Variants in GCNT1 observed in about 807,000 individuals in gnomAD.
GCNT1 encodes the protein glucosaminyl (N-acetyl) transferase 1.
Under a neutral mutation model 26.2 loss-of-function variants are expected in GCNT1, and 16 were observed. The observed-to-expected ratio is 0.61, with a 90% CI of 0.41 to 0.93. The LOEUF (loss-of-function observed/expected upper bound fraction) is 0.93. Among genes scored for constraint, GCNT1 ranks in the 40% least tolerant of loss-of-function variants. The probability of loss-of-function intolerance (pLI) is 0.00; values close to 1 mark genes in which losing one functional copy is unlikely to be tolerated. For synonymous variants in GCNT1, 183 were observed against 190.8 expected, an observed-to-expected ratio of 0.96 and a Z score of 0.34; for missense variants, 477 against 526.7, an observed-to-expected ratio of 0.91 and a Z score of 0.92.
At chr9:76,410,426 C>G in the GCNT1 span, among the ~76,000 whole-genome samples, 1 of 151,930 alleles carries the variant, frequency 6.6e-6, no homozygotes, top group African/African-American at 2.4e-5. Context: ...GAACAAAACT[C>G]TCTTCAAAAA....
intron 2 of GCNT1, among the ~76,000 whole-genome samples, chr9:76,495,103 C>T (rs1244445675): frequency 6.6e-6 from 1 of 152,138 alleles, no homozygotes; most frequent in Non-Finnish European, 1.5e-5. Context: ...AAAAATAGGA[C>T]AGAATAGCAA....
intron 2 of GCNT1, among the ~76,000 whole-genome samples, chr9:76,479,927 C>T (rs919832978): frequency 2.0e-5 from 3 of 152,094 alleles, no homozygotes; most frequent in African/African-American, 7.2e-5. Context: ...GAAGTCCTTG[C>T]CCATGCCTGT....
upstream of GCNT1, among the ~76,000 whole-genome samples, chr9:76,419,180 C>A (rs1003215940): frequency 6.6e-6 from 1 of 152,082 alleles, no homozygotes; most frequent in African/African-American, 2.4e-5. Flanking sequence ...AGTGCTTAAT[C>A]CCTTATAGCC....
At chr9:76,492,436 G>T (rs374416399) in intron 2 of GCNT1, among the ~76,000 whole-genome samples, 2 of 151,960 alleles carry the variant, frequency 1.3e-5, no homozygotes, top group South Asian at 2.1e-4. Context: ...AGATGGTAAG[G>T]GACCTTGAGG....
chr9:76,505,494 C>A lies in GCNT1; in HGVS notation c.*1826C>A, dbSNP rs943778649. 1.2e-5 allele frequency: 2 copies of A among 166,906 alleles called. No homozygotes were observed. The highest frequency in any genetic ancestry group is 1.3e-4 in the Admixed American group (2 of 15,284). The allele number at this position is 166,906 out of a possible 1,614,324, so 10.3% of individuals were successfully genotyped here. A position where few individuals can be genotyped will look rare whatever the true frequency, so the allele number is the denominator to read the frequency against. The stretch of plus-strand genomic sequence containing the variant: ...CATGTCAAATATTTCTCCCATGCTT[C>A]TCTTAGCAGAAAAGTTTTTACCTAT... On this transcript the variant is annotated 3_prime_UTR_variant, in exon 4 of 4. Transcript: ENST00000376730.
the GCNT1 span, chr9:76,394,357 C>T: frequency 5.4e-5 from 28 of 522,790 alleles, 2 homozygotes; most frequent in South Asian, 5.7e-4. Flanking sequence ...GCCGCCGACC[C>T]AACAAATACC....
chr9:76,455,070 A>T (rs1823735252), upstream of GCNT1, among the ~76,000 whole-genome samples: 1 of 150,482 alleles, frequency 6.6e-6, no homozygotes, highest in Non-Finnish European at 1.5e-5. Context: ...CTGGTCTCGA[A>T]CTCCTAACCT....
intron 1 of GCNT1, among the ~76,000 whole-genome samples, chr9:76,453,749 C>T (rs1823708938): frequency 6.6e-6 from 1 of 152,336 alleles, no homozygotes; most frequent in East Asian, 1.9e-4. Flanking sequence ...CTTCAACAGA[C>T]AAGATGGCCA....
At chr9:76,450,913 C>A (rs533115641) in intron 1 of GCNT1, among the ~76,000 whole-genome samples, 1 of 152,008 alleles carries the variant, frequency 6.6e-6, no homozygotes, top group Non-Finnish European at 1.5e-5. Flanking sequence ...AGCTTTGTTG[C>A]CATTCTGAGA....
At chr9:76,427,988 AAAAC>A (rs912606834) in intron 1 of GCNT1, among the ~76,000 whole-genome samples, 7 of 152,154 alleles carry the variant, frequency 4.6e-5, no homozygotes, top group East Asian at 1.9e-4. Flanking sequence ...TCTCAAAAAC[AAAAC>A]AAACAAACAA....
In GCNT1 at chr9:76,486,795, G is replaced by T. The variant is rs147776601; in HGVS notation, c.-289-14121G>T. 1.5e-3 allele frequency among the ~76,000 whole-genome samples: 221 copies of T among 152,272 alleles called. 1 individual carries two copies. The highest frequency in any genetic ancestry group is 5.0e-3 in the African/African-American group (206 of 41,542). On this transcript the variant is annotated intron_variant, in intron 2 of 3. Coordinates refer to ENST00000376730, the MANE Select transcript of GCNT1 (RefSeq NM_001490.5). ...CAGTCAAAAGAGAAGAAAGAATAGG[G>T]CTGGGTGCAGTGGCTCATGCCTACA... is the stretch of plus-strand genomic sequence containing the variant.
At chr9:76,459,613 C>T (rs1254227154) in intron 1 of GCNT1, among the ~76,000 whole-genome samples, 4 of 152,136 alleles carry the variant, frequency 2.6e-5, no homozygotes, top group Non-Finnish European at 4.4e-5. Flanking sequence ...GGGTTGGCTG[C>T]GGGCGTGGAT....
At chr9:76,480,423 T>C (rs909085350) in intron 2 of GCNT1, among the ~76,000 whole-genome samples, 1 of 152,200 alleles carries the variant, frequency 6.6e-6, no homozygotes, top group African/African-American at 2.4e-5. Flanking sequence ...GGGAATGGCA[T>C]TGAATCTATA....
intron 1 of GCNT1, among the ~76,000 whole-genome samples, chr9:76,448,188 G>A (rs1223773540): frequency 8.5e-5 from 13 of 152,074 alleles, no homozygotes; most frequent in Admixed American, 1.3e-4. Flanking sequence ...GCGGTGGCTC[G>A]CGCCTGTAAT....
chr9:76,504,289 G>A lies in GCNT1; in HGVS notation c.*621G>A, dbSNP rs1405093471. ...TTGTGTTATTTTTGCTTGAAACAAC[G>A]CACACATTTTCAACAACCAAAAAAT... On this transcript the variant is annotated 3_prime_UTR_variant, in exon 4 of 4. Transcript: ENST00000376730. 5.9e-6 allele frequency: 1 copy of A among 168,612 alleles called. No homozygotes were observed. The highest frequency in any genetic ancestry group is 1.4e-5 in the Non-Finnish European group (1 of 69,286). The allele number at this position is 168,612 out of a possible 1,614,324, so 10.4% of individuals were successfully genotyped here.
intron 2 of GCNT1, among the ~76,000 whole-genome samples, chr9:76,489,961 C>T (rs1329923822): frequency 6.6e-6 from 1 of 152,182 alleles, no homozygotes; most frequent in African/African-American, 2.4e-5. Context: ...GTAAGATCAT[C>T]TGTAGCTTGA....
At chr9:76,490,760 T>TAATAGA (rs1251118373) in intron 2 of GCNT1, among the ~76,000 whole-genome samples, 3 of 48,720 alleles carry the variant, frequency 6.2e-5, no homozygotes, top group African/African-American at 5.7e-4. Context: ...GCAAGTTTCC[T>TAATAGA]AACTGCAAGA....
At chr9:76,484,113 G>T (rs1264191879) in intron 2 of GCNT1, among the ~76,000 whole-genome samples, 1 of 152,188 alleles carries the variant, frequency 6.6e-6, no homozygotes, top group East Asian at 1.9e-4. Flanking sequence ...GGACATGGTG[G>T]CTCACGCCTG....
chr9:76,407,735 G>A, the GCNT1 span, among the ~76,000 whole-genome samples: 2 of 152,120 alleles, frequency 1.3e-5, no homozygotes, highest in African/African-American at 2.4e-5. Flanking sequence ...ATATTGAATT[G>A]CCAATCCTTG....
Sources: allele counts gnomAD v4.1 joint callset (sites outside exome capture counted in the v4.1 genomes callset), GRCh38; gene constraint gnomAD v4.1.1; transcripts MANE v1.5; gene names NCBI Gene and HGNC (gene_info 2026-07-23, HGNC 2026-07-21).